The following IL1RAPL2 variants were observed in gnomAD, a reference collection of about 807,000 sequenced individuals.
The protein encoded by IL1RAPL2 is X-linked interleukin-1 receptor accessory protein-like 2.
IL1RAPL2 carries 3 observed loss-of-function variants against 44.1 expected under a neutral mutation model. The ratio of observed to expected loss-of-function variants is 0.07; its 90% CI spans 0.03 to 0.18. The LOEUF (loss-of-function observed/expected upper bound fraction) is 0.18. Among genes scored for constraint, IL1RAPL2 ranks in the 10% least tolerant of loss-of-function variants. The probability of loss-of-function intolerance (pLI) is 1.00; values close to 1 mark genes in which losing one functional copy is unlikely to be tolerated. For synonymous variants in IL1RAPL2, 181 were observed against 178.8 expected (o/e 1.01, Z -0.10); for missense variants, 391 against 496.4 (o/e 0.79, Z 2.02).
intron 2 of IL1RAPL2, among the ~76,000 whole-genome samples, chrX:104,864,799 A>G (rs185889381): frequency 9.0e-6 from 1 of 111,599 alleles, no homozygotes; most frequent in African/African-American, 3.3e-5. Context: ...TTTTACCAGG[A>G]TAGATGTGCA....
rs755328851 is a variant in IL1RAPL2 at position 105,467,691 on chromosome X, G to A, written c.698-16622G>A. 2.7e-5 allele frequency among the ~76,000 whole-genome samples: 3 copies of A among 111,431 alleles called. No homozygotes were observed. In the East Asian group the frequency reaches 8.6e-4, roughly 32 times the overall value. Reference sequence around the variant, plus strand: ...ATTTCCATCCCAAATTTACGAGATGGCCTATGGAGCTCTAGACATAAAGTC... The same window carrying A: ...ATTTCCATCCCAAATTTACGAGATGACCTATGGAGCTCTAGACATAAAGTC... On this transcript the variant is annotated intron_variant, in intron 5 of 10. Transcript: ENST00000372582.
At chrX:104,809,932 A>G (rs1325398772) in intron 2 of IL1RAPL2, among the ~76,000 whole-genome samples, 1 of 111,307 alleles carries the variant, frequency 9.0e-6, no homozygotes, top group Non-Finnish European at 1.9e-5. Flanking sequence ...CCAAAGGACT[A>G]TAAATCATGC....
chrX:104,933,127 C>T (rs930255888), intron 2 of IL1RAPL2, among the ~76,000 whole-genome samples: 89 of 111,875 alleles, frequency 8.0e-4, no homozygotes, highest in African/African-American at 2.7e-3. Flanking sequence ...ACCACTCATA[C>T]CATGCTGCTA....
chrX:104,909,855 C>T (rs1293384801), intron 2 of IL1RAPL2, among the ~76,000 whole-genome samples: 4 of 112,577 alleles, frequency 3.6e-5, no homozygotes, highest in African/African-American at 1.3e-4. Flanking sequence ...GGCAGGCAGG[C>T]CTCCTTGAGC....
chrX:105,240,198 GCAGCT>G (rs2034158052), intron 4 of IL1RAPL2, among the ~76,000 whole-genome samples: 1 of 112,607 alleles, frequency 8.9e-6, no homozygotes, highest in South Asian at 3.6e-4. Flanking sequence ...GAAGGACAAG[GCAGCT>G]GCCCTGGTTC....
intron 2 of IL1RAPL2, among the ~76,000 whole-genome samples, chrX:104,973,898 C>A (rs2030283468): frequency 8.9e-6 from 1 of 111,829 alleles, no homozygotes; most frequent in South Asian, 3.7e-4. Flanking sequence ...TTCTTTCTTG[C>A]AAAAAATATA....
chrX:105,077,656 TTCTC>T (rs2032330287), intron 2 of IL1RAPL2, among the ~76,000 whole-genome samples: 1 of 112,372 alleles, frequency 8.9e-6, no homozygotes, highest in South Asian at 3.7e-4. Context: ...CTTGGTTCCA[TTCTC>T]TCTGTCACTT....
intron 3 of IL1RAPL2, among the ~76,000 whole-genome samples, chrX:105,203,121 T>C (rs1413214012): frequency 8.9e-6 from 1 of 112,107 alleles, no homozygotes; most frequent in Non-Finnish European, 1.9e-5. Context: ...CTACATATTC[T>C]GCCTTCCAGC....
At chrX:104,904,311 CATT>C (rs1411705372) in intron 2 of IL1RAPL2, among the ~76,000 whole-genome samples, 2 of 108,886 alleles carry the variant, frequency 1.8e-5, no homozygotes, top group African/African-American at 6.7e-5. Flanking sequence ...CTTTTTTTCT[CATT>C]ATTATACTTT....
At chrX:105,523,849 C>T (rs1309145623) in intron 6 of IL1RAPL2, among the ~76,000 whole-genome samples, 2 of 110,951 alleles carry the variant, frequency 1.8e-5, no homozygotes, top group African/African-American at 6.5e-5. Context: ...GCATAAGTCT[C>T]TTGTTAAATG....
intron 2 of IL1RAPL2, among the ~76,000 whole-genome samples, chrX:104,904,635 T>C (rs1218563837): frequency 6.4e-5 from 7 of 110,178 alleles, no homozygotes; most frequent in Non-Finnish European, 1.1e-4. Context: ...CATGAACTCA[T>C]CCTTTTTTAT....
At position 104,644,605 on chromosome X, in the gene IL1RAPL2, CT is replaced by C. The variant is rs1346672487; in HGVS notation, c.-19-14286del. Among the ~76,000 whole-genome samples the C allele has an allele frequency of 3.6e-5, 4 of 110,733 alleles. No individual in the cohort carries two copies. In the East Asian group the frequency reaches 1.1e-3, roughly 31 times the overall value. ...CATACAATAACCTTGTGTTTTCTTT[CT>C]TTTCGACCATTCCCCCTTTTCTGGC... On this transcript the variant is annotated intron_variant, in intron 1 of 10. Transcript: ENST00000372582.
At chrX:104,797,184 A>C (rs1602731835) in intron 2 of IL1RAPL2, among the ~76,000 whole-genome samples, 1 of 27,243 alleles carries the variant, frequency 3.7e-5, no homozygotes. Context: ...TGATCTCTTC[A>C]GCCCCCCCCC....
At chrX:104,623,782 A>T (rs971007875) in intron 1 of IL1RAPL2, among the ~76,000 whole-genome samples, 7 of 112,096 alleles carry the variant, frequency 6.2e-5, no homozygotes, top group Admixed American at 1.9e-4. Context: ...CATCTGAAGG[A>T]TGAAGGTCCA....
At chrX:105,003,605 C>A (rs768774616) in intron 2 of IL1RAPL2, among the ~76,000 whole-genome samples, 1 of 111,219 alleles carries the variant, frequency 9.0e-6, no homozygotes, top group African/African-American at 3.3e-5. Flanking sequence ...TTTGATTTCT[C>A]TGGAGCAAGT....
intron 2 of IL1RAPL2, among the ~76,000 whole-genome samples, chrX:104,951,661 T>C (rs778212399): frequency 8.9e-6 from 1 of 112,723 alleles, no homozygotes; most frequent in East Asian, 2.8e-4. Flanking sequence ...GGCTTTGCAA[T>C]GGAATAGACA....
chrX:104,876,285 A>G lies in IL1RAPL2; in HGVS notation c.82+217290A>G, dbSNP rs1922897528. On this transcript the variant is annotated intron_variant, in intron 2 of 10. Coordinates refer to ENST00000372582, the MANE Select transcript of IL1RAPL2 (RefSeq NM_017416.2). ...TCTGAAGGCATTTAGCACATGGACC[A>G]TGCTTTGAGAATTACAGACACAGTT... Among the ~76,000 whole-genome samples the G allele has an allele frequency of 2.7e-5, 3 of 111,702 alleles. No homozygotes were observed. In the South Asian group the frequency reaches 1.1e-3, roughly 42 times the overall value.
chrX:105,349,013 T>A (rs1464852871), intron 5 of IL1RAPL2, among the ~76,000 whole-genome samples: 2 of 112,320 alleles, frequency 1.8e-5, no homozygotes, highest in Non-Finnish European at 3.8e-5. Flanking sequence ...ACTATAAACA[T>A]CAGTTCTTTT....
At chrX:105,043,507 T>C (rs973582658) in intron 2 of IL1RAPL2, among the ~76,000 whole-genome samples, 10 of 108,874 alleles carry the variant, frequency 9.2e-5, no homozygotes, top group African/African-American at 1.3e-4. Context: ...TACCTTCTTA[T>C]GGCTCTACTG....
Sources: allele counts gnomAD v4.1 joint callset (sites outside exome capture counted in the v4.1 genomes callset), GRCh38; gene constraint gnomAD v4.1.1; transcripts MANE v1.5; gene names NCBI Gene and HGNC (gene_info 2026-07-23, HGNC 2026-07-21).